The following ASIC4 variants were observed in gnomAD, a reference collection of about 807,000 sequenced individuals.
ASIC4 encodes the protein acid-sensing ion channel 4.
A neutral mutation model predicts 53.4 loss-of-function variants in ASIC4; 28 were observed. The ratio of observed to expected loss-of-function variants is 0.52; its 90% CI spans 0.39 to 0.72. The LOEUF (loss-of-function observed/expected upper bound fraction) is 0.72. Among genes scored for constraint, ASIC4 ranks in the 30% least tolerant of loss-of-function variants. The pLI is 0.00. For missense variants in ASIC4, 649 were observed against 729.7 expected, an observed-to-expected ratio of 0.89 and a Z score of 1.27; for synonymous variants, 289 against 301.4, an observed-to-expected ratio of 0.96 and a Z score of 0.43.
chr2:219,530,878 A>G (rs1343966735), intron 1 of ASIC4, among the ~76,000 whole-genome samples: 1 of 152,120 alleles, frequency 6.6e-6, no homozygotes, highest in Non-Finnish European at 1.5e-5. Flanking sequence ...ATGGGAAGCT[A>G]TTGTTGGGTA....
In ASIC4 at chr2:219,532,373, C is replaced by G. The variant is rs199990846; in HGVS notation, c.914C>G (p.Pro305Arg). Residue 305 changes from proline to arginine, a missense_variant, in exon 4 of 10, where the codon CCT (proline) becomes CGT (arginine). Pro to Arg is a moderately radical substitution (Grantham distance 103, BLOSUM62 -2). Coordinates refer to ENST00000358078, the MANE Select transcript of ASIC4 (RefSeq NM_018674.6). Reference protein sequence around the residue: ...NCRAESELREPELQGYSAYSV... With the variant: ...NCRAESELRERELQGYSAYSV... ...CGCGCAGAGAGTGAGCTCAGGGAGCCTGAGCTTCAGGGCTACTCGGCCTAC... is the reference window on the plus strand; with the variant it reads ...CGCGCAGAGAGTGAGCTCAGGGAGCGTGAGCTTCAGGGCTACTCGGCCTAC... 2 of 1,614,090 alleles carry G rather than the reference C, an allele frequency of 1.2e-6. No individual in the cohort carries two copies. The highest frequency in any genetic ancestry group is 1.7e-6 in the Non-Finnish European group (2 of 1,179,950).
rs536296943 is a variant in ASIC4, at chr2:219,519,126, G to A, written c.582+3820G>A. 1.1e-4 allele frequency among the ~76,000 whole-genome samples: 16 copies of A among 152,262 alleles called. No homozygotes were observed. The South Asian group carries it at 2.7e-3, about 26-fold the overall frequency. On this transcript the variant is annotated intron_variant, in intron 1 of 9. Coordinates refer to ENST00000358078, the MANE Select transcript of ASIC4 (RefSeq NM_018674.6). ...TCACTGTGTTAGCCAGGATGGTCTC[G>A]ATCTCCTGACCTCGTGATCCGCCCG... is the stretch of plus-strand genomic sequence containing the variant.
At chr2:219,528,261 T>TG (rs1694988804) in intron 1 of ASIC4, among the ~76,000 whole-genome samples, 1 of 152,232 alleles carries the variant, frequency 6.6e-6, no homozygotes, top group Non-Finnish European at 1.5e-5. Flanking sequence ...TCCTGCTCTG[T>TG]CACCCAGGCT....
In ASIC4 at chr2:219,536,579, G is replaced by A. The variant is rs535488968; in HGVS notation, c.1230-487G>A. On this transcript the variant is annotated intron_variant, in intron 6 of 9. Coordinates refer to ENST00000358078, the MANE Select transcript of ASIC4 (RefSeq NM_018674.6). This position sits in a 1 kb window ranked among gnomAD's most constrained non-coding sequence, Gnocchi z 4.6. ...CTGAGAGAGGAGGCAATGGGGAGGCGTCCAGTGACAGGACGTGGGGCGGTG... is the reference window on the plus strand; with the variant it reads ...CTGAGAGAGGAGGCAATGGGGAGGCATCCAGTGACAGGACGTGGGGCGGTG... Among the ~76,000 whole-genome samples the A allele has an allele frequency of 8.5e-5, 13 of 152,082 alleles. No individual in the cohort carries two copies. The South Asian group carries it at 1.0e-3, about 12-fold the overall frequency.
At position 219,537,171 on chromosome 2, in the gene ASIC4, C is replaced by A; in HGVS notation, c.1321+14C>A. On this transcript the variant is annotated intron_variant, in intron 7 of 9. Coordinates refer to ENST00000358078, the MANE Select transcript of ASIC4 (RefSeq NM_018674.6). This position sits in a 1 kb window ranked among gnomAD's most constrained non-coding sequence, Gnocchi z 4.9. ...CAGCCCTGCTGGGTGAGACTGGTGTCCCTGCCCCCAGCTTGTGTGGGGGTG... is the reference window on the plus strand; with the variant it reads ...CAGCCCTGCTGGGTGAGACTGGTGTACCTGCCCCCAGCTTGTGTGGGGGTG... The A allele has an allele frequency of 6.2e-7, 1 of 1,613,286 alleles. No homozygotes were observed. Among genetic ancestry groups the A allele is most frequent in the Non-Finnish European group, 8.5e-7 (1 of 1,179,356 alleles).
intron 1 of ASIC4, among the ~76,000 whole-genome samples, chr2:219,525,115 TACAA>T (rs1694942900): frequency 6.6e-6 from 1 of 152,226 alleles, no homozygotes; most frequent in African/African-American, 2.4e-5. Context: ...TCTGTCAGCC[TACAA>T]AATATATGCC....
intron 1 of ASIC4, among the ~76,000 whole-genome samples, chr2:219,526,418 G>A (rs1052663647): frequency 1.3e-5 from 2 of 152,172 alleles, no homozygotes; most frequent in African/African-American, 2.4e-5. Flanking sequence ...CAGACTAAGG[G>A]ATGGATAGAG....
At chr2:219,519,048 G>T (rs1220777323) in intron 1 of ASIC4, among the ~76,000 whole-genome samples, 1 of 152,154 alleles carries the variant, frequency 6.6e-6, no homozygotes, top group African/African-American at 2.4e-5. Flanking sequence ...GGGACTACAG[G>T]TGCCCGCCAC....
intron 1 of ASIC4, among the ~76,000 whole-genome samples, chr2:219,520,931 T>C (rs897623187): frequency 3.3e-5 from 5 of 152,222 alleles, no homozygotes; most frequent in Non-Finnish European, 7.3e-5. Context: ...TGGCTGGGTC[T>C]TCCAGTCTGT....
In ASIC4 at chr2:219,538,265, G is replaced by T. The variant is rs531569206; in HGVS notation, c.*219G>T. ...CCAGGCTGGTGCCCCGGGAGGGCTG[G>T]AGACCAGGCCATGGGCCCTCACGGA... On this transcript the variant is annotated 3_prime_UTR_variant, in exon 10 of 10. Coordinates refer to ENST00000358078, the MANE Select transcript of ASIC4 (RefSeq NM_018674.6). 1 of 573,334 alleles carries T rather than the reference G, an allele frequency of 1.7e-6. No homozygotes were observed. Among genetic ancestry groups the T allele is most frequent in the Non-Finnish European group, 3.1e-6 (1 of 322,690 alleles). The allele number at this position is 573,334 out of a possible 1,614,324, so 35.5% of individuals were successfully genotyped here.
At chr2:219,535,139 C>G in intron 5 of ASIC4, 32 bp from the exon 6 acceptor site, 2 of 1,594,640 alleles carry the variant, frequency 1.3e-6, no homozygotes, top group Non-Finnish European at 1.7e-6. Context: ...CCTTCTCCAA[C>G]TCCCACTGTA....
upstream of ASIC4, among the ~76,000 whole-genome samples, chr2:219,513,820 G>A (rs900709715): frequency 6.6e-6 from 1 of 152,246 alleles, no homozygotes; most frequent in Non-Finnish European, 1.5e-5. Context: ...CCTCCCAGAG[G>A]GGGCAGGGGC....
chr2:219,535,369 T>G, intron 6 of ASIC4, 45 bp downstream of exon 6: 2 of 1,509,326 alleles, frequency 1.3e-6, no homozygotes, highest in East Asian at 2.5e-5. Context: ...ACTCTGTGTG[T>G]ACGTGTGTGT....
Position 219,531,756 on chromosome 2 carries a change from A to G in ASIC4, c.583-2A>G. On this transcript the variant is annotated splice_acceptor_variant, in intron 1 of 9. Coordinates refer to ENST00000358078, the MANE Select transcript of ASIC4 (RefSeq NM_018674.6). LOFTEE classifies it high-confidence loss of function. Reference sequence around the variant, plus strand: ...CTCCTGCTCTCTCACCCCACCTCCCAGGTCTATACTCGCTATGGGAAGTGT... The same window carrying G: ...CTCCTGCTCTCTCACCCCACCTCCCGGGTCTATACTCGCTATGGGAAGTGT... The G allele has an allele frequency of 6.3e-7, 1 of 1,580,218 alleles. No individual in the cohort carries two copies. The highest frequency in any genetic ancestry group is 1.2e-5 in the South Asian group (1 of 85,790).
At chr2:219,515,619 G>C (rs1694774854) in intron 1 of ASIC4, among the ~76,000 whole-genome samples, 2 of 152,244 alleles carry the variant, frequency 1.3e-5, no homozygotes, top group South Asian at 4.1e-4. Context: ...GGAGCTGGCT[G>C]GCTTGCAGGG....
chr2:219,528,370 C>T (rs1694990696), intron 1 of ASIC4, among the ~76,000 whole-genome samples: 1 of 151,624 alleles, frequency 6.6e-6, no homozygotes, highest in Non-Finnish European at 1.5e-5. Context: ...ACTACAGGAG[C>T]CCGCCACCAC....
In ASIC4 at chr2:219,516,038, C is replaced by T. The variant is rs898910107; in HGVS notation, c.582+732C>T. Among the ~76,000 whole-genome samples, 3 of 152,196 alleles carry T rather than the reference C, an allele frequency of 2.0e-5. No individual in the cohort carries two copies. On this transcript the variant is annotated intron_variant, in intron 1 of 9. Coordinates refer to ENST00000358078, the MANE Select transcript of ASIC4 (RefSeq NM_018674.6). The surrounding 1 kb of genome is among the most constrained non-coding windows in gnomAD (Gnocchi z 4.9). ...CACTCTTATGTGCATAACTCACCCT[C>T]ACTGCTGCCCCAGCACGGGTGCATG...
intron 2 of ASIC4, 33 bp from the exon 3 acceptor site, chr2:219,531,968 G>A (rs1216241566): frequency 2.5e-6 from 4 of 1,613,590 alleles, no homozygotes; most frequent in Non-Finnish European, 3.4e-6. Context: ...TGCCTGGGAT[G>A]GGTTTCCAAA....
Position 219,514,581 on chromosome 2 carries a change from C to T in ASIC4, c.-144C>T. 1 of 1,584,314 alleles carries T rather than the reference C, an allele frequency of 6.3e-7. No homozygotes were observed. The highest frequency in any genetic ancestry group is 1.1e-5 in the South Asian group (1 of 87,458). On this transcript the variant is annotated 5_prime_UTR_variant, in exon 1 of 10. Coordinates refer to ENST00000358078, the MANE Select transcript of ASIC4 (RefSeq NM_018674.6). ...GAGTGACTCCCCCACCTCGGGCCCC[C>T]ACCCTGTCCCTGTCCTCTTCCCGCT...
Sources: allele counts gnomAD v4.1 joint callset (sites outside exome capture counted in the v4.1 genomes callset), GRCh38; gene constraint gnomAD v4.1.1; non-coding constraint Gnocchi (gnomAD v3.1); transcripts MANE v1.5; gene names NCBI Gene and HGNC (gene_info 2026-07-23, HGNC 2026-07-21).